SHISA9: variants seen among roughly 807,000 people sequenced by gnomAD.
SHISA9 encodes shisa family member 9.
In SHISA9, 13 loss-of-function variants were observed where a neutral mutation model predicts 38.0. That is an observed-to-expected ratio of 0.34 (90% CI 0.22 to 0.54). The LOEUF (loss-of-function observed/expected upper bound fraction) is 0.54. Among genes scored for constraint, SHISA9 ranks in the 20% least tolerant of loss-of-function variants. The pLI is 0.91. For missense variants in SHISA9, 538 were observed against 575.8 expected, an observed-to-expected ratio of 0.93 and a Z score of 0.67; for synonymous variants, 275 against 242.0, an observed-to-expected ratio of 1.14 and a Z score of -1.27.
At chr16:13,015,554 AC>A (rs1203972575) in intron 2 of SHISA9, among the ~76,000 whole-genome samples, 2 of 152,152 alleles carry the variant, frequency 1.3e-5, no homozygotes, top group African/African-American at 4.8e-5. Context: ...ATATATTTTT[AC>A]CCCTCATTTT....
rs529949490 is a variant in SHISA9 at position 13,120,172 on chromosome 16, G to T, written c.692-83222G>T. On this transcript the variant is annotated intron_variant, in intron 2 of 4. Coordinates refer to ENST00000558583, the MANE Select transcript of SHISA9 (RefSeq NM_001145204.3). ...TTAAAAGAAGGAAGGGTGCAGATAT[G>T]CAATTAGATATATAAATATTTCTTA... Among the ~76,000 whole-genome samples, 9 of 152,306 alleles carry T rather than the reference G, an allele frequency of 5.9e-5. No homozygotes were observed. In the East Asian group the frequency reaches 1.7e-3, roughly 29 times the overall value.
chr16:13,262,670 A>AAGGAAGGAAAGAAGGAAGGGAGGG, the SHISA9 span, among the ~76,000 whole-genome samples: 2 of 70,668 alleles, frequency 2.8e-5, no homozygotes, highest in African/African-American at 1.3e-4. Flanking sequence ...GGAAGGAAGG[A>AAGGAAGGAAAGAAGGAAGGGAGGG]AGGGAGGGAG....
intron 2 of SHISA9, among the ~76,000 whole-genome samples, chr16:13,089,201 G>C (rs1424496989): frequency 6.6e-6 from 1 of 152,208 alleles, no homozygotes; most frequent in East Asian, 1.9e-4. Flanking sequence ...AATTTGGTTT[G>C]CCAGTATTTT....
At chr16:13,540,138 T>C in the SHISA9 span, among the ~76,000 whole-genome samples, 1 of 152,074 alleles carries the variant, frequency 6.6e-6, no homozygotes, top group African/African-American at 2.4e-5. Context: ...TTAAATCCTT[T>C]CAACTCAGTG....
intron 2 of SHISA9, among the ~76,000 whole-genome samples, chr16:13,037,197 C>CCTTTCTT (rs1230956273): frequency 6.6e-6 from 1 of 150,556 alleles, no homozygotes; most frequent in East Asian, 2.0e-4. Context: ...GACATTCTTG[C>CCTTTCTT]CTTTCTTGTG....
the SHISA9 span, among the ~76,000 whole-genome samples, chr16:13,328,269 A>G: frequency 6.6e-6 from 1 of 152,148 alleles, no homozygotes; most frequent in Non-Finnish European, 1.5e-5. Flanking sequence ...CTCTCTAGTA[A>G]GAGTCTGTTT....
At chr16:13,355,836 C>T in the SHISA9 span, among the ~76,000 whole-genome samples, 1 of 152,178 alleles carries the variant, frequency 6.6e-6, no homozygotes, top group East Asian at 1.9e-4. Flanking sequence ...AGTCTTCAGC[C>T]GCTAAGCCGA....
downstream of SHISA9, among the ~76,000 whole-genome samples, chr16:13,242,493 T>G (rs1429966305): frequency 6.6e-6 from 1 of 152,176 alleles, no homozygotes; most frequent in African/African-American, 2.4e-5. Flanking sequence ...GCAGAAGAAA[T>G]TGGAGTGGAC....
At chr16:12,976,602 G>A (rs559892232) in intron 2 of SHISA9, among the ~76,000 whole-genome samples, 1 of 152,306 alleles carries the variant, frequency 6.6e-6, no homozygotes, top group African/African-American at 2.4e-5. Flanking sequence ...TATTCAGGCT[G>A]AAGGTACTTT....
At chr16:12,978,237 A>G (rs2072191516) in intron 2 of SHISA9, among the ~76,000 whole-genome samples, 1 of 152,244 alleles carries the variant, frequency 6.6e-6, no homozygotes, top group Non-Finnish European at 1.5e-5. Flanking sequence ...GACATGGTAT[A>G]GAATCATCCA....
chr16:13,540,426 C>T, the SHISA9 span, among the ~76,000 whole-genome samples: 3 of 152,224 alleles, frequency 2.0e-5, no homozygotes, highest in South Asian at 6.2e-4. Flanking sequence ...ATAAATACCC[C>T]AGCTCCCTTT....
intron 2 of SHISA9, among the ~76,000 whole-genome samples, chr16:12,948,067 A>G (rs4780484): frequency 0.2 from 30,698 of 152,086 alleles, 3,794 homozygotes; most frequent in Middle Eastern, 0.35. Context: ...TGTGTACTAG[A>G]CAATGTGTGC....
At chr16:13,285,632 C>T in the SHISA9 span, among the ~76,000 whole-genome samples, 7 of 152,094 alleles carry the variant, frequency 4.6e-5, no homozygotes, top group East Asian at 9.7e-4. Context: ...CCATAGATCC[C>T]GCTTTGGGGA....
chr16:12,903,363 G>T (rs572948655), intron 1 of SHISA9, among the ~76,000 whole-genome samples: 45 of 152,332 alleles, frequency 3.0e-4, no homozygotes, highest in African/African-American at 1.1e-3. Context: ...GGGGGCCCGA[G>T]CCCCCTCCTC....
the SHISA9 span, among the ~76,000 whole-genome samples, chr16:13,425,975 A>G: frequency 6.6e-6 from 1 of 152,144 alleles, no homozygotes; most frequent in Non-Finnish European, 1.5e-5. Flanking sequence ...TTTGCTTCCT[A>G]TCAGTCATTC....
chr16:13,296,408 T>A, the SHISA9 span, among the ~76,000 whole-genome samples: 1 of 151,810 alleles, frequency 6.6e-6, no homozygotes, highest in Non-Finnish European at 1.5e-5. Flanking sequence ...GTGCGTGCTG[T>A]TTTTGAACAG....
At chr16:12,947,039 T>C (rs2071697990) in intron 2 of SHISA9, among the ~76,000 whole-genome samples, 1 of 152,100 alleles carries the variant, frequency 6.6e-6, no homozygotes, top group South Asian at 2.1e-4. Context: ...TAACAAAAGG[T>C]TTCCCAGCAT....
the SHISA9 span, among the ~76,000 whole-genome samples, chr16:13,415,454 G>A: frequency 6.6e-6 from 1 of 152,146 alleles, no homozygotes; most frequent in Non-Finnish European, 1.5e-5. Context: ...GGTGGGAGGA[G>A]GGAGAAGATC....
rs1275422123 is a variant in SHISA9, at chr16:12,907,786, G to T, written c.563+5159G>T. ...AATCCAGATTCCTGATTTCTCATGAGAACTCAGTGGGTCTGGTGACATTGG... is the reference window on the plus strand; with the variant it reads ...AATCCAGATTCCTGATTTCTCATGATAACTCAGTGGGTCTGGTGACATTGG... On this transcript the variant is annotated intron_variant, in intron 1 of 4. Coordinates refer to ENST00000558583, the MANE Select transcript of SHISA9 (RefSeq NM_001145204.3). Among the ~76,000 whole-genome samples the T allele has an allele frequency of 2.0e-5, 3 of 152,156 alleles. No homozygotes were observed. The East Asian group carries it at 5.8e-4, about 29-fold the overall frequency.
Sources: allele counts gnomAD v4.1 joint callset (sites outside exome capture counted in the v4.1 genomes callset), GRCh38; gene constraint gnomAD v4.1.1; transcripts MANE v1.5; gene names NCBI Gene and HGNC (gene_info 2026-07-23, HGNC 2026-07-21).